The following ERC2 variants were observed in gnomAD, a reference collection of about 807,000 sequenced individuals.
ERC2 encodes ELKS/RAB6-interacting/CAST family member 2, also known as ERC protein 2.
A neutral mutation model predicts 114.8 loss-of-function variants in ERC2; 42 were observed. The ratio of observed to expected loss-of-function variants is 0.37; its 90% confidence interval spans 0.29 to 0.47. ERC2 has a LOEUF of 0.47. ERC2 is among the 20% of genes least tolerant of loss of function. The pLI is 0.99. For synonymous variants in ERC2, 454 were observed against 425.5 expected, an observed-to-expected ratio of 1.07 and a Z score of -0.82; for missense variants, 939 against 1,150.7, an observed-to-expected ratio of 0.82 and a Z score of 2.66.
rs145306625 is a variant in ERC2, at chr3:56,282,843, G to A, written c.1074+13176C>T. 6.6e-3 allele frequency among the ~76,000 whole-genome samples: 1,007 copies of A among 152,238 alleles called. 23 individuals carry two copies. Among genetic ancestry groups the A allele is most frequent in the East Asian group, 0.059 (305 of 5,184 alleles). Reference sequence around the variant, plus strand: ...GGCATCTGTGATTTCAGGAAATGTGGTCATTTTAGATCATTCTCTCTAAGT... The same window carrying A: ...GGCATCTGTGATTTCAGGAAATGTGATCATTTTAGATCATTCTCTCTAAGT... On this transcript the variant is annotated intron_variant, in intron 3 of 17. Coordinates refer to ENST00000288221, the MANE Select transcript of ERC2 (RefSeq NM_015576.3).
chr3:55,763,962 T>C (rs2067609276), intron 14 of ERC2, among the ~76,000 whole-genome samples: 1 of 152,248 alleles, frequency 6.6e-6, no homozygotes, highest in Admixed American at 6.5e-5. Flanking sequence ...TTTATGAATA[T>C]TATTTTAGTG....
At chr3:55,624,772 A>C (rs2059446268) in intron 17 of ERC2, among the ~76,000 whole-genome samples, 1 of 152,094 alleles carries the variant, frequency 6.6e-6, no homozygotes, top group African/African-American at 2.4e-5. Context: ...ATAAATGGTA[A>C]CCATGTCTGT....
intron 3 of ERC2, among the ~76,000 whole-genome samples, chr3:56,182,234 A>C (rs943060160): frequency 2.0e-5 from 3 of 152,154 alleles, no homozygotes; most frequent in African/African-American, 7.2e-5. Flanking sequence ...TTTTACACTA[A>C]TTTATAAAAT....
intron 12 of ERC2, among the ~76,000 whole-genome samples, chr3:55,967,696 A>G (rs755228396): frequency 1.3e-5 from 2 of 152,270 alleles, no homozygotes; most frequent in African/African-American, 4.8e-5. Flanking sequence ...TTGATCGCCT[A>G]TGCAGCAATG....
At position 56,102,611 on chromosome 3, in the gene ERC2, G is replaced by C. The variant is rs145794070; in HGVS notation, c.1474-21627C>G. On this transcript the variant is annotated intron_variant, in intron 6 of 17. Coordinates refer to ENST00000288221, the MANE Select transcript of ERC2 (RefSeq NM_015576.3). ...ACAGTGTTCTGTTTTCCTAAGAAAA[G>C]GTTTACTTAGGAATATATAATTAGA... Among the ~76,000 whole-genome samples the C allele has an allele frequency of 2.6e-4, 40 of 152,220 alleles. 1 individual carries two copies. Among genetic ancestry groups the C allele is most frequent in the African/African-American group, 9.1e-4 (38 of 41,544 alleles).
intron 17 of ERC2, among the ~76,000 whole-genome samples, chr3:55,604,243 G>A (rs2058545596): frequency 1.3e-5 from 2 of 151,998 alleles, no homozygotes; most frequent in African/African-American, 2.4e-5. Context: ...GAAAACAACC[G>A]AGACCCTCCC....
At chr3:55,863,322 C>T (rs537128148) in intron 14 of ERC2, among the ~76,000 whole-genome samples, 2 of 152,046 alleles carry the variant, frequency 1.3e-5, no homozygotes, top group Admixed American at 1.3e-4. Context: ...GACGCCAGGG[C>T]CTCAATATTT....
At chr3:56,277,508 G>A (rs2054079946) in intron 3 of ERC2, among the ~76,000 whole-genome samples, 2 of 152,050 alleles carry the variant, frequency 1.3e-5, no homozygotes, top group South Asian at 4.2e-4. Flanking sequence ...GAAAACTCCA[G>A]GCTCTCCAAT....
In ERC2 at chr3:55,864,367, T is replaced by A. The variant is rs1005566101; in HGVS notation, c.2564+24022A>T. Among the ~76,000 whole-genome samples the A allele has an allele frequency of 1.2e-4, 18 of 151,502 alleles. 1 individual carries two copies. Among genetic ancestry groups the A allele is most frequent in the Non-Finnish European group, 2.1e-4 (14 of 67,840 alleles). ...CTGACTCTAAAATAGCAGTTTCATA[T>A]GGTACAAATAAATATTTTAACCCAA... On this transcript the variant is annotated intron_variant, in intron 14 of 17. Coordinates refer to ENST00000288221, the MANE Select transcript of ERC2 (RefSeq NM_015576.3).
At chr3:55,808,701 TTATA>T (rs377604698) in intron 14 of ERC2, among the ~76,000 whole-genome samples, 7,068 of 61,330 alleles carry the variant, frequency 0.12, 334 homozygotes, top group Middle Eastern at 0.13. Flanking sequence ...TACCATAATT[TTATA>T]TATATATATA....
chr3:56,060,830 C>T (rs1051061546), intron 7 of ERC2, among the ~76,000 whole-genome samples: 1 of 152,202 alleles, frequency 6.6e-6, no homozygotes, highest in Non-Finnish European at 1.5e-5. Flanking sequence ...TGCCCCTGCC[C>T]CTACTGCCCC....
At chr3:55,698,866 G>A (rs2063075019) in intron 16 of ERC2, among the ~76,000 whole-genome samples, 1 of 152,160 alleles carries the variant, frequency 6.6e-6, no homozygotes, top group Non-Finnish European at 1.5e-5. Context: ...CTTAGTCAAG[G>A]GAGGAGATAG....
chr3:55,699,484 T>C lies in ERC2; in HGVS notation c.2741A>G (p.Asp914Gly), dbSNP rs757611283. 24 of 1,613,072 alleles carry C rather than the reference T, an allele frequency of 1.5e-5. No homozygotes were observed. The highest frequency in any genetic ancestry group is 1.6e-4 in the Middle Eastern group (1 of 6,076). ...QTQNRMKLMA[D>G]NYDDDHHHYH... Reference sequence around the variant, plus strand: ...ATGGTGATGGTCATCATCATAGTTGTCTGCCATCAACTTCATTCTGTTCTG... The same window carrying C: ...ATGGTGATGGTCATCATCATAGTTGCCTGCCATCAACTTCATTCTGTTCTG... The change falls in exon 16 of 18, where the codon GAC becomes GGC. Residue 914 changes from aspartate (D) to glycine (G), a missense_variant. Asp to Gly is a moderately conservative substitution (Grantham distance 94, BLOSUM62 -1). Around this residue, in one of 5 missense-constraint regions of ERC2, gnomAD observed 328 missense variants for 353.9 expected, o/e 0.93. Transcript: ENST00000288221.
intron 7 of ERC2, 148 bp downstream of exon 7, chr3:56,080,669 T>C (rs1351596401): frequency 1.4e-6 from 1 of 700,184 alleles, no homozygotes; most frequent in Admixed American, 3.0e-5. Context: ...ATGATGCAAC[T>C]ACCAGTAAGT....
chr3:56,059,658 T>C (rs1010964626), intron 7 of ERC2, among the ~76,000 whole-genome samples: 46 of 152,336 alleles, frequency 3.0e-4, no homozygotes, highest in African/African-American at 1.1e-3. Flanking sequence ...TCTTAAATCA[T>C]ATCCCATTGT....
At chr3:56,147,597 A>C (rs1428670083) in intron 5 of ERC2, among the ~76,000 whole-genome samples, 1 of 152,016 alleles carries the variant, frequency 6.6e-6, no homozygotes, top group East Asian at 1.9e-4. Context: ...TCATTTACAC[A>C]TTTTTCTCTC....
intron 3 of ERC2, among the ~76,000 whole-genome samples, chr3:56,272,165 C>T (rs139961729): frequency 1.8e-3 from 269 of 152,264 alleles, no homozygotes; most frequent in Non-Finnish European, 3.0e-3. Flanking sequence ...GACATCACCA[C>T]CAAAATAAAA....
rs556586698 is a variant in ERC2 at position 56,164,137 on chromosome 3, C to T, written c.1149+9309G>A. 3.4e-4 allele frequency among the ~76,000 whole-genome samples: 52 copies of T among 152,094 alleles called. 1 individual carries two copies. The highest frequency in any genetic ancestry group is 9.6e-4 in the African/African-American group (40 of 41,532). On this transcript the variant is annotated intron_variant, in intron 4 of 17. Coordinates refer to ENST00000288221, the MANE Select transcript of ERC2 (RefSeq NM_015576.3). ...GCTTTCATGAGCTATAATACACACA[C>T]CATAAAATTCACCCTTTTAAAGAGT...
chr3:56,324,867 C>T (rs2057287519), intron 2 of ERC2, among the ~76,000 whole-genome samples: 1 of 151,978 alleles, frequency 6.6e-6, no homozygotes, highest in Admixed American at 6.6e-5. Context: ...GCCAAGGACA[C>T]TCTTGCTTCC....
Sources: allele counts gnomAD v4.1 joint callset (sites outside exome capture counted in the v4.1 genomes callset), GRCh38; gene constraint gnomAD v4.1.1; regional missense constraint gnomAD v4.1.1; transcripts MANE v1.5; gene names NCBI Gene and HGNC (gene_info 2026-07-23, HGNC 2026-07-21).